TRRAP: variants seen among roughly 807,000 people sequenced by gnomAD.
TRRAP encodes transformation/transcription domain-associated protein.
TRRAP carries 41 observed loss-of-function variants against 438.8 expected under a neutral mutation model. The ratio of observed to expected loss-of-function variants is 0.09; its 90% CI spans 0.07 to 0.12. TRRAP has a LOEUF of 0.12. Ranked by LOEUF, TRRAP falls within the 10% of genes least tolerant of loss-of-function variation. TRRAP has a pLI of 1.00. For missense variants in TRRAP, 3,122 were observed against 5,055.1 expected (o/e 0.62, Z 11.60); for synonymous variants, 1,994 against 1,962.9 (o/e 1.02, Z -0.42).
Position 98,953,031 on chromosome 7 carries a change from TTGTGTGTGTGTGTGTGTGTGTGTGTGTG to T in TRRAP, c.5464-114_5464-87del, listed in dbSNP as rs57047314. On this transcript the variant is annotated intron_variant, in intron 39 of 72. Coordinates refer to ENST00000456197, the MANE Select transcript of TRRAP (RefSeq NM_001375524.1). ...CCTCCTTGTAAAACTTCATGTTACA[TTGTGTGTGTGTGTGTGTGTGTGTGTGTG>T]TGTGTGTGTGTGTGTGTGTGTTTTT... 727 of 1,170,174 alleles carry T rather than the reference TTGTGTGTGTGTGTGTGTGTGTGTGTGTG, an allele frequency of 6.2e-4. 75 individuals are homozygous for T. Among genetic ancestry groups the T allele is most frequent in the Non-Finnish European group, 7.3e-4 (615 of 848,122 alleles). 72.5% of individuals were successfully genotyped at this position (1,170,174 alleles called of 1,614,324 possible).
intron 26 of TRRAP, among the ~76,000 whole-genome samples, chr7:98,932,016 G>A (rs1298135372): frequency 6.6e-6 from 1 of 152,000 alleles, no homozygotes; most frequent in Admixed American, 6.6e-5. Context: ...CTGGGCTCAA[G>A]TGATCCTCCT....
At position 98,976,929 on chromosome 7, in the gene TRRAP, G is replaced by A. The variant is rs769429327; in HGVS notation, c.8248-10G>A. The stretch of plus-strand genomic sequence containing the variant: ...CTCAAGCACTCAGGAACCTTACTTT[G>A]TGTTTTCAGGAGATACTGGATTCCC... On this transcript the variant is annotated splice_polypyrimidine_tract_variant and intron_variant, in intron 55 of 72. Coordinates refer to ENST00000456197, the MANE Select transcript of TRRAP (RefSeq NM_001375524.1). This position sits in a 1 kb window ranked among gnomAD's most constrained non-coding sequence, Gnocchi z 4.6. 10 of 1,613,990 alleles carry A rather than the reference G, an allele frequency of 6.2e-6. No homozygotes were observed. Among genetic ancestry groups the A allele is most frequent in the Middle Eastern group, 1.6e-4 (1 of 6,062 alleles).
At chr7:98,999,454 G>T in intron 67 of TRRAP, 1 of 862,684 alleles carries the variant, frequency 1.2e-6, no homozygotes, top group Non-Finnish European at 2.0e-6. Flanking sequence ...AGGGGCTTGA[G>T]CTATCCTTCT....
At chr7:98,885,254 AT>A (rs35480952) in intron 3 of TRRAP, among the ~76,000 whole-genome samples, 29 of 147,336 alleles carry the variant, frequency 2.0e-4, no homozygotes, top group African/African-American at 3.5e-4. Flanking sequence ...TGCTTGGCTA[AT>A]TTTTTTTTTT....
chr7:98,961,148 C>T, intron 45 of TRRAP, 113 bp from the exon 46 acceptor site: 12 of 929,646 alleles, frequency 1.3e-5, no homozygotes, highest in Admixed American at 1.0e-4. Context: ...GTTTTTTTTA[C>T]TTAGTCTCCA....
chr7:99,004,954 T>C (rs1367602387), intron 68 of TRRAP, among the ~76,000 whole-genome samples, 177 bp from the exon 69 acceptor site: 3 of 152,114 alleles, frequency 2.0e-5, no homozygotes, highest in African/African-American at 7.2e-5. Flanking sequence ...GAATTGAAAA[T>C]ATTGTGACTC....
chr7:99,007,027 G>C (rs1794196862), intron 69 of TRRAP, among the ~76,000 whole-genome samples: 1 of 152,212 alleles, frequency 6.6e-6, no homozygotes, highest in Non-Finnish European at 1.5e-5. Context: ...CTGTCTGGCA[G>C]GTTGTAGATT....
intron 19 of TRRAP, among the ~76,000 whole-genome samples, chr7:98,916,718 A>C (rs1433772890): frequency 2.6e-5 from 4 of 152,112 alleles, no homozygotes; most frequent in African/African-American, 9.7e-5. Context: ...CTGTCCCCCA[A>C]GGGGTGTTCC....
At chr7:98,984,730 G>A (rs1355946898) in intron 61 of TRRAP, among the ~76,000 whole-genome samples, 1 of 152,118 alleles carries the variant, frequency 6.6e-6, no homozygotes, top group African/African-American at 2.4e-5. Context: ...AGACCCCTAA[G>A]TATTTAGGAT....
At chr7:98,916,625 G>C (rs1469560840) in intron 19 of TRRAP, among the ~76,000 whole-genome samples, 2 of 152,114 alleles carry the variant, frequency 1.3e-5, no homozygotes, top group African/African-American at 2.4e-5. Context: ...CCATAACCTG[G>C]CTCCATGTCC....
chr7:98,922,065 G>A (rs1554410720), intron 21 of TRRAP, 112 bp downstream of exon 21: 1 of 1,410,630 alleles, frequency 7.1e-7, no homozygotes, highest in African/African-American at 1.4e-5. Context: ...AGTAGAACCA[G>A]TTGTATCAGG....
intron 68 of TRRAP, among the ~76,000 whole-genome samples, 159 bp downstream of exon 68, chr7:99,004,574 T>C (rs959282195): frequency 6.6e-6 from 1 of 152,218 alleles, no homozygotes; most frequent in Non-Finnish European, 1.5e-5. Flanking sequence ...TCAGGCACTT[T>C]ACAAGTTCTG....
chr7:98,909,917 T>C (rs1796987688), intron 14 of TRRAP, 139 bp from the exon 15 acceptor site: 1 of 1,423,880 alleles, frequency 7.0e-7, no homozygotes, highest in Non-Finnish European at 9.1e-7. Context: ...GCAATTCCTT[T>C]GACACCAACC....
chr7:98,934,221 C>T (rs1554413727), intron 27 of TRRAP, among the ~76,000 whole-genome samples: 2 of 152,190 alleles, frequency 1.3e-5, no homozygotes, highest in Non-Finnish European at 2.9e-5. Flanking sequence ...TTTTATGGGA[C>T]ATGAATCACA....
At chr7:98,992,560 C>CGTGTGTGTGTGTGTGT (rs72517544) in intron 65 of TRRAP, among the ~76,000 whole-genome samples, 3 of 149,126 alleles carry the variant, frequency 2.0e-5, no homozygotes, top group African/African-American at 7.4e-5. Flanking sequence ...TGCCAGCTGC[C>CGTGTGTGTGTGTGTGT]GTGTGTGTGT....
At chr7:98,932,282 T>C (rs1287606501) in intron 26 of TRRAP, among the ~76,000 whole-genome samples, 4 of 151,834 alleles carry the variant, frequency 2.6e-5, no homozygotes, top group Non-Finnish European at 4.4e-5. Flanking sequence ...CCCGGCTAAT[T>C]TTTTGTATTT....
chr7:98,930,623 T>C lies in TRRAP; in HGVS notation c.3394-10T>C. The C allele has an allele frequency of 1.2e-6, 2 of 1,612,838 alleles. No homozygotes were observed. Among genetic ancestry groups the C allele is most frequent in the Non-Finnish European group, 1.7e-6 (2 of 1,179,866 alleles). On this transcript the variant is annotated splice_polypyrimidine_tract_variant and intron_variant, in intron 24 of 72. Coordinates refer to ENST00000456197, the MANE Select transcript of TRRAP (RefSeq NM_001375524.1). ...GTAACGTGTTGTGGTTTGTTCATTT[T>C]CCTCTCCAGGCCTGCCAGCTGCCCC...
At chr7:98,932,467 C>A (rs1477187314) in intron 26 of TRRAP, among the ~76,000 whole-genome samples, 4 of 152,046 alleles carry the variant, frequency 2.6e-5, no homozygotes, top group Admixed American at 2.6e-4. Context: ...TATCATCCAG[C>A]CCAAAATGTC....
intron 28 of TRRAP, 53 bp from the exon 29 acceptor site, chr7:98,937,102 AT>A: frequency 6.5e-7 from 1 of 1,542,528 alleles, no homozygotes; most frequent in African/African-American, 1.4e-5. Flanking sequence ...GAAGAAAATT[AT>A]TTGGGCATCT....
Sources: gnomAD v4.1 joint callset for allele counts (sites outside exome capture counted in the v4.1 genomes callset) on GRCh38, gnomAD v4.1.1 for gene constraint, Gnocchi (gnomAD v3.1) non-coding constraint, MANE v1.5 for transcripts, NCBI Gene and HGNC (gene_info 2026-07-23, HGNC 2026-07-21) for gene names.